Variants in CAMKK2 observed in about 807,000 individuals in gnomAD.
The protein encoded by CAMKK2 is calcium/calmodulin-dependent protein kinase kinase 2.
A neutral mutation model predicts 67.2 loss-of-function variants in CAMKK2; 30 were observed. That is an observed-to-expected ratio of 0.45 (90% CI 0.33 to 0.61). The LOEUF is 0.61. CAMKK2 is among the 20% of genes least tolerant of loss of function. The pLI, the probability that CAMKK2 is intolerant of heterozygous loss-of-function variation, is 0.02. For missense variants in CAMKK2, 643 were observed against 802.0 expected (o/e 0.80, Z 2.39); for synonymous variants, 322 against 326.2 (o/e 0.99, Z 0.14).
At chr12:121,242,199 G>A (rs1375390405) in intron 16 of CAMKK2, among the ~76,000 whole-genome samples, 1 of 152,050 alleles carries the variant, frequency 6.6e-6, no homozygotes, top group African/African-American at 2.4e-5. Context: ...GCTGGGCATG[G>A]TGGCACATGT....
rs1165040240 is a variant in CAMKK2, at chr12:121,245,655, C to A, written c.1453-415G>T. 1.3e-5 allele frequency among the ~76,000 whole-genome samples: 2 copies of A among 152,198 alleles called. No homozygotes were observed. The highest frequency in any genetic ancestry group is 4.8e-5 in the African/African-American group (2 of 41,446). ...CGTGAACCAGTCATTCTTGGTGATGCTCTTGGCTGCCATTTCCCATGAAGG... is the reference window on the plus strand; with the variant it reads ...CGTGAACCAGTCATTCTTGGTGATGATCTTGGCTGCCATTTCCCATGAAGG... On this transcript the variant is annotated intron_variant, in intron 14 of 16. Coordinates refer to ENST00000404169, the MANE Select transcript of CAMKK2 (RefSeq NM_001270485.2). The surrounding 1 kb of genome is among the most constrained non-coding windows in gnomAD (Gnocchi z 5.8).
At chr12:121,258,088 G>C (rs139631648) in intron 7 of CAMKK2, among the ~76,000 whole-genome samples, 6 of 148,014 alleles carry the variant, frequency 4.1e-5, no homozygotes, top group African/African-American at 1.5e-4. Context: ...GCAATGGCAC[G>C]ATCTCGGTTC....
Position 121,255,571 on chromosome 12 carries a change from G to C in CAMKK2, c.886C>G (p.Leu296Val), listed in dbSNP as rs758547025. 1 of 1,611,792 alleles carries C rather than the reference G, an allele frequency of 6.2e-7. No individual in the cohort carries two copies. The highest frequency in any genetic ancestry group is 8.5e-7 in the Non-Finnish European group (1 of 1,179,440). The change falls in exon 9 of 17, where the codon CTG (leucine) becomes GTG (valine). Residue 296 changes from leucine (L) to valine (V), a missense_variant. This residue lies in a region of CAMKK2 where 483 missense variants were observed against 625.8 expected (regional missense o/e 0.77). Transcript: ENST00000404169. The part of the protein sequence containing the change: ...EDQARFYFQD[L>V]IKGIEYLHYQ... ...TCACAGTACTCGATGCCTTTGATCAGATCCTGGAAGTAGAAACGGGCCTGG... is the reference window on the plus strand; with the variant it reads ...TCACAGTACTCGATGCCTTTGATCACATCCTGGAAGTAGAAACGGGCCTGG...
rs550288967 is a variant in CAMKK2, at chr12:121,265,447, T to C, written c.626-1508A>G. On this transcript the variant is annotated intron_variant, in intron 5 of 16. Coordinates refer to ENST00000404169, the MANE Select transcript of CAMKK2 (RefSeq NM_001270485.2). ...AAAGGGAGGTGCTACGGTCAGGATG[T>C]TTGTGCTCCTCCAAAATTCATATGT... 3.3e-5 allele frequency among the ~76,000 whole-genome samples: 5 copies of C among 152,212 alleles called. No individual in the cohort carries two copies. The South Asian group carries it at 1.0e-3, about 32-fold the overall frequency.
chr12:121,251,588 G>A (rs1308098295), intron 11 of CAMKK2, among the ~76,000 whole-genome samples: 3 of 152,126 alleles, frequency 2.0e-5, no homozygotes, highest in African/African-American at 7.2e-5. Flanking sequence ...AGCACTCTGG[G>A]AGGCCCAGGC....
intron 1 of CAMKK2, among the ~76,000 whole-genome samples, chr12:121,281,775 C>T (rs1002327512): frequency 5.3e-5 from 8 of 152,170 alleles, no homozygotes; most frequent in African/African-American, 1.4e-4. Context: ...GGTGAAACCC[C>T]GTCTCTACTA....
At position 121,296,448 on chromosome 12, in the gene CAMKK2, C is replaced by A. The variant is rs1416277650; in HGVS notation, c.-60+190G>T. 2.6e-5 allele frequency among the ~76,000 whole-genome samples: 4 copies of A among 152,166 alleles called. No individual in the cohort carries two copies. In the South Asian group the frequency reaches 6.2e-4, roughly 24 times the overall value. ...ACGCGGGGGAAGGGCTGTCGGGGAC[C>A]GTGTCCCTCCACGTGGCGGGGCGTG... On this transcript the variant is annotated intron_variant, in intron 1 of 16. Transcript: ENST00000404169. This position sits in a 1 kb window ranked among gnomAD's most constrained non-coding sequence, Gnocchi z 7.1.
intron 16 of CAMKK2, among the ~76,000 whole-genome samples, chr12:121,241,584 C>A (rs1266893612): frequency 1.3e-5 from 2 of 152,252 alleles, no homozygotes; most frequent in Non-Finnish European, 2.9e-5. Context: ...TATCCCCTCA[C>A]CACCATCACA....
chr12:121,253,621 C>A lies in CAMKK2; in HGVS notation c.908-149G>T. 1 of 678,004 alleles carries A rather than the reference C, an allele frequency of 1.5e-6. No individual in the cohort carries two copies. The highest frequency in any genetic ancestry group is 2.7e-5 in the East Asian group (1 of 37,484). The allele number at this position is 678,004 out of a possible 1,614,324, so 42.0% of individuals were successfully genotyped here. On this transcript the variant is annotated intron_variant, in intron 9 of 16. Transcript: ENST00000404169. The surrounding 1 kb of genome is among the most constrained non-coding windows in gnomAD (Gnocchi z 5.0). Reference sequence around the variant, plus strand: ...CAGGCCTTTTCCAACCTTCCACTCCCCAAACCCGCTGGGCACTGACATGCT... The same window carrying A: ...CAGGCCTTTTCCAACCTTCCACTCCACAAACCCGCTGGGCACTGACATGCT...
chr12:121,240,678 G>C lies in CAMKK2; in HGVS notation c.*21C>G, dbSNP rs1017478209. 1.9e-6 allele frequency: 3 copies of C among 1,576,120 alleles called. No homozygotes were observed. The highest frequency in any genetic ancestry group is 1.1e-5 in the South Asian group (1 of 87,768). The stretch of plus-strand genomic sequence containing the variant: ...CCCAGAGGCGACGCGGCGCGCATGC[G>C]AGGTCGAGCGATCCAGGCAGCTACT... On this transcript the variant is annotated 3_prime_UTR_variant, in exon 17 of 17. Transcript: ENST00000404169. This position sits in a 1 kb window ranked among gnomAD's most constrained non-coding sequence, Gnocchi z 4.4.
intron 1 of CAMKK2, among the ~76,000 whole-genome samples, chr12:121,286,523 T>C (rs1566137630): frequency 6.6e-6 from 1 of 152,108 alleles, no homozygotes; most frequent in Non-Finnish European, 1.5e-5. Flanking sequence ...TTATAGATAC[T>C]GTTTTGTTTG....
Position 121,238,260 on chromosome 12 carries a change from G to A in CAMKK2, c.*2439C>T, listed in dbSNP as rs186581617. On this transcript the variant is annotated 3_prime_UTR_variant, in exon 17 of 17. Transcript: ENST00000404169. ...AAGGGGGAGGTGGAAAAGGGCAGAG[G>A]AAATGGGAAGTGGATGGAGGGTTTG... 6.6e-6 allele frequency: 1 copy of A among 152,494 alleles called. No individual in the cohort carries two copies. Among genetic ancestry groups the A allele is most frequent in the East Asian group, 1.9e-4 (1 of 5,194 alleles). 9.4% of individuals were successfully genotyped at this position (152,494 alleles called of 1,614,324 possible).
chr12:121,269,713 C>T, intron 3 of CAMKK2, 132 bp from the exon 4 acceptor site: 2 of 698,224 alleles, frequency 2.9e-6, no homozygotes, highest in Non-Finnish European at 4.9e-6. Context: ...TGTTGGAGCC[C>T]AGGTTTTTAC....
Position 121,245,164 on chromosome 12 carries a change from A to G in CAMKK2, c.1529T>C (p.Leu510Pro), listed in dbSNP as rs1475813808. ...CGTGAGCAAGTTTCCAGGCGCTGAC[A>G]GTGAGCGTTCCTCCCGCCGGCTGCC... ...FEGSRREERS[L>P]SAPGNLLTKK... Residue 510 changes from leucine (L) to proline (P), a missense_variant, in exon 15 of 17, where the codon CTG (leucine) becomes CCG (proline). This residue lies in a region of CAMKK2 where 140 missense variants were observed against 124.2 expected (regional missense o/e 1.13). Coordinates refer to ENST00000404169, the MANE Select transcript of CAMKK2 (RefSeq NM_001270485.2). The surrounding 1 kb of genome is among the most constrained non-coding windows in gnomAD (Gnocchi z 5.8). 9 of 1,605,700 alleles carry G rather than the reference A, an allele frequency of 5.6e-6. No homozygotes were observed. The highest frequency in any genetic ancestry group is 1.7e-5 in the Admixed American group (1 of 59,268).
chr12:121,271,083 T>A (rs1895665312), intron 2 of CAMKK2, 138 bp from the exon 3 acceptor site: 2 of 670,174 alleles, frequency 3.0e-6, no homozygotes, highest in Non-Finnish European at 5.3e-6. Flanking sequence ...CAGACCAGCC[T>A]GGCCAACATG....
At chr12:121,255,035 A>G (rs1419591733) in intron 9 of CAMKK2, among the ~76,000 whole-genome samples, 1 of 149,942 alleles carries the variant, frequency 6.7e-6, no homozygotes, top group African/African-American at 2.5e-5. Context: ...CTCCCAGCCT[A>G]TGTTTTTTTC....
chr12:121,250,827 T>C (rs1890568178), intron 11 of CAMKK2, among the ~76,000 whole-genome samples: 1 of 152,252 alleles, frequency 6.6e-6, no homozygotes, highest in South Asian at 2.1e-4. Flanking sequence ...ACTTGAATTA[T>C]TTCTGTCAAT....
At chr12:121,248,074 T>C (rs1889866685) in intron 14 of CAMKK2, among the ~76,000 whole-genome samples, 1 of 152,170 alleles carries the variant, frequency 6.6e-6, no homozygotes, top group South Asian at 2.1e-4. Context: ...ACATTCTGGC[T>C]CCTTCTTCCT....
intron 1 of CAMKK2, among the ~76,000 whole-genome samples, chr12:121,275,724 G>A (rs1896669464): frequency 6.6e-6 from 1 of 152,030 alleles, no homozygotes; most frequent in Admixed American, 6.6e-5. Context: ...GCTGCTTAAT[G>A]GGCACAGGTT....
Sources: allele counts gnomAD v4.1 joint callset (sites outside exome capture counted in the v4.1 genomes callset), GRCh38; gene constraint gnomAD v4.1.1; regional missense constraint gnomAD v4.1.1; non-coding constraint Gnocchi (gnomAD v3.1); transcripts MANE v1.5; gene names NCBI Gene and HGNC (gene_info 2026-07-23, HGNC 2026-07-21).